The following ATRNL1 variants were observed in gnomAD, a reference collection of about 807,000 sequenced individuals.
The protein encoded by ATRNL1 is attractin-like protein 1.
Under a neutral mutation model 182.7 loss-of-function variants are expected in ATRNL1, and 95 were observed. That is an observed-to-expected ratio of 0.52 (90% CI 0.44 to 0.62). The LOEUF (loss-of-function observed/expected upper bound fraction) is 0.62, where lower values mean the gene tolerates loss of function less well. Ranked by LOEUF, ATRNL1 falls within the 20% of genes least tolerant of loss-of-function variation. The pLI, the probability that ATRNL1 is intolerant of heterozygous loss-of-function variation, is 0.00. For missense variants in ATRNL1, 1,471 were observed against 1,679.5 expected (o/e 0.88, Z 2.17); for synonymous variants, 576 against 568.3 (o/e 1.01, Z -0.19).
chr10:115,386,527 G>A (rs1419153049), intron 19 of ATRNL1, among the ~76,000 whole-genome samples: 1 of 152,040 alleles, frequency 6.6e-6, no homozygotes, highest in East Asian at 1.9e-4. Context: ...AGTGAGACTC[G>A]CATTTATTCA....
At chr10:115,473,238 T>A (rs1462844771) in intron 24 of ATRNL1, among the ~76,000 whole-genome samples, 1 of 151,314 alleles carries the variant, frequency 6.6e-6, no homozygotes, top group Admixed American at 6.6e-5. Context: ...TTGAATCAAA[T>A]GTGGTTGGCT....
chr10:115,489,824 G>T (rs113743253), intron 24 of ATRNL1, among the ~76,000 whole-genome samples: 5,544 of 152,200 alleles, frequency 0.036, 304 homozygotes, highest in African/African-American at 0.12. Context: ...TAGCATTGAT[G>T]GTCTTTGCAA....
intron 27 of ATRNL1, among the ~76,000 whole-genome samples, chr10:115,829,501 T>C (rs1950510952): frequency 9.6e-6 from 1 of 103,874 alleles, no homozygotes; most frequent in Non-Finnish European, 1.9e-5. Context: ...CTTTTTAAAT[T>C]TTCTTTTTCA....
intron 13 of ATRNL1, among the ~76,000 whole-genome samples, chr10:115,275,726 T>G (rs1852075270): frequency 6.6e-6 from 1 of 152,156 alleles, no homozygotes; most frequent in African/African-American, 2.4e-5. Flanking sequence ...CTCCCAAGTT[T>G]ATTCCTTTCA....
At chr10:115,717,302 A>G (rs1199688127) in intron 26 of ATRNL1, among the ~76,000 whole-genome samples, 1 of 152,150 alleles carries the variant, frequency 6.6e-6, no homozygotes, top group Non-Finnish European at 1.5e-5. Context: ...TGTCTGAGAT[A>G]TACAAAGAAA....
intron 21 of ATRNL1, among the ~76,000 whole-genome samples, chr10:115,438,663 TG>T (rs1554965161): frequency 6.6e-6 from 1 of 152,018 alleles, no homozygotes; most frequent in Non-Finnish European, 1.5e-5. Flanking sequence ...AACACTTTTT[TG>T]CACTACGGCT....
intron 26 of ATRNL1, among the ~76,000 whole-genome samples, chr10:115,553,721 C>T (rs1853139623): frequency 6.6e-6 from 1 of 151,330 alleles, no homozygotes; most frequent in Non-Finnish European, 1.5e-5. Context: ...TTTCCAGAGG[C>T]AAATACATTA....
intron 8 of ATRNL1, among the ~76,000 whole-genome samples, chr10:115,210,614 A>G (rs782809662): frequency 4.6e-5 from 7 of 151,780 alleles, no homozygotes; most frequent in Non-Finnish European, 1.0e-4. Flanking sequence ...CTGCTGTTTT[A>G]TTATTTGTTT....
chr10:115,393,621 T>C (rs1186214597), intron 19 of ATRNL1, among the ~76,000 whole-genome samples: 1 of 152,146 alleles, frequency 6.6e-6, no homozygotes, highest in Non-Finnish European at 1.5e-5. Context: ...GAATGTGTTA[T>C]TGGATTGGAG....
At chr10:115,149,198 A>G (rs1383851532) in intron 5 of ATRNL1, among the ~76,000 whole-genome samples, 1 of 152,090 alleles carries the variant, frequency 6.6e-6, no homozygotes, top group Non-Finnish European at 1.5e-5. Context: ...GCCAGTGTAG[A>G]CGCCTGCACA....
At chr10:115,513,437 T>C (rs1426330305) in intron 24 of ATRNL1, among the ~76,000 whole-genome samples, 1 of 152,020 alleles carries the variant, frequency 6.6e-6, no homozygotes, top group Non-Finnish European at 1.5e-5. Flanking sequence ...TAATTTATTA[T>C]TATCGCCATT....
chr10:115,170,110 C>T (rs1236350542), intron 7 of ATRNL1, among the ~76,000 whole-genome samples: 1 of 152,056 alleles, frequency 6.6e-6, no homozygotes, highest in East Asian at 1.9e-4. Flanking sequence ...TTCTTCTTTC[C>T]AATCTGGATG....
chr10:115,201,905 A>G (rs12259253), intron 8 of ATRNL1, among the ~76,000 whole-genome samples: 1 of 151,986 alleles, frequency 6.6e-6, no homozygotes, highest in Admixed American at 6.6e-5. Flanking sequence ...CTTTTATTTC[A>G]TTGAGCAGTG....
intron 27 of ATRNL1, among the ~76,000 whole-genome samples, chr10:115,744,420 A>G (rs1177433131): frequency 6.6e-6 from 1 of 152,008 alleles, no homozygotes; most frequent in Non-Finnish European, 1.5e-5. Context: ...CCCTTGAATC[A>G]TCTCTTTCTT....
intron 27 of ATRNL1, among the ~76,000 whole-genome samples, chr10:115,772,085 A>G (rs1738580656): frequency 6.6e-6 from 1 of 152,234 alleles, no homozygotes; most frequent in South Asian, 2.1e-4. Context: ...TTTGACCATT[A>G]TAGGTGTTCT....
In ATRNL1 at chr10:115,226,922, CA is replaced by C. The variant is rs1564835182; in HGVS notation, c.1532+11044del. Among the ~76,000 whole-genome samples the C allele has an allele frequency of 7.2e-5, 11 of 152,152 alleles. 1 individual carries two copies. The South Asian group carries it at 2.3e-3, about 32-fold the overall frequency. On this transcript the variant is annotated intron_variant, in intron 9 of 28. Transcript: ENST00000355044. Reference sequence around the variant, plus strand: ...CCCTACCTTTCAACATATACAAAATCAACTCAAAATGGATCAAAGATTGAAA... The same window carrying C: ...CCCTACCTTTCAACATATACAAAATCACTCAAAATGGATCAAAGATTGAAA...
intron 27 of ATRNL1, among the ~76,000 whole-genome samples, chr10:115,775,803 C>T (rs1015172322): frequency 6.6e-6 from 1 of 151,104 alleles, no homozygotes; most frequent in Non-Finnish European, 1.5e-5. Context: ...AAAAAAAATA[C>T]AAAAATTAGC....
chr10:115,337,579 ACTGT>A (rs1457234303), intron 19 of ATRNL1, among the ~76,000 whole-genome samples: 4 of 151,896 alleles, frequency 2.6e-5, no homozygotes, highest in Non-Finnish European at 4.4e-5. Flanking sequence ...CCATCCTTTT[ACTGT>A]CTATGTTCAT....
intron 26 of ATRNL1, among the ~76,000 whole-genome samples, chr10:115,712,828 A>T (rs1487456881): frequency 6.6e-6 from 1 of 151,758 alleles, no homozygotes; most frequent in African/African-American, 2.4e-5. Context: ...AGATTGTGCC[A>T]CTTAACTCCA....
Sources: allele counts gnomAD v4.1 joint callset (sites outside exome capture counted in the v4.1 genomes callset), GRCh38; gene constraint gnomAD v4.1.1; transcripts MANE v1.5; gene names NCBI Gene and HGNC (gene_info 2026-07-23, HGNC 2026-07-21).